TOPAZ1: variants seen among roughly 807,000 people sequenced by gnomAD.
The protein encoded by TOPAZ1 is testis and ovary specific TOPAZ 1.
TOPAZ1 carries 66 observed loss-of-function variants against 172.2 expected under a neutral mutation model. That is an observed-to-expected ratio of 0.38 (90% CI 0.31 to 0.47). The LOEUF (loss-of-function observed/expected upper bound fraction) is 0.47, where lower values mean the gene tolerates loss of function less well. Among genes scored for constraint, TOPAZ1 ranks in the 20% least tolerant of loss-of-function variants. The pLI is 0.99. For synonymous variants in TOPAZ1, 681 were observed against 683.9 expected (o/e 1.00, Z 0.07); for missense variants, 1,822 against 1,972.4 (o/e 0.92, Z 1.44).
intron 16 of TOPAZ1, among the ~76,000 whole-genome samples, chr3:44,315,102 G>C (rs1700436292): frequency 1.1e-5 from 1 of 90,914 alleles, no homozygotes; most frequent in South Asian, 5.7e-4. Flanking sequence ...AATATTAGTT[G>C]AGGTGGATGG....
In TOPAZ1 at chr3:44,244,064, C is replaced by A; in HGVS notation, c.1558C>A (p.Arg520Ser). The A allele has an allele frequency of 6.4e-7, 1 of 1,551,754 alleles. No homozygotes were observed. Among genetic ancestry groups the A allele is most frequent in the Non-Finnish European group, 8.7e-7 (1 of 1,146,980 alleles). The change falls in exon 2 of 20, where the codon CGT becomes AGT. Residue 520 changes from arginine (R) to serine (S), a missense_variant. This residue lies in a region of TOPAZ1 where 1,489 missense variants were observed against 1,490.8 expected (regional missense o/e 1.00). Transcript: ENST00000309765. Reference sequence around the variant, plus strand: ...CTTGCCAGAATCAAGTTACTTTCTTCGTGGGTCTCAGGAAAGTTGTAGGCA... The same window carrying A: ...CTTGCCAGAATCAAGTTACTTTCTTAGTGGGTCTCAGGAAAGTTGTAGGCA... Reference protein sequence around the residue: ...ASLPESSYFLRGSQESCRQVD... With the variant: ...ASLPESSYFLSGSQESCRQVD...
At chr3:44,302,176 C>CAA (rs1170119412) in intron 12 of TOPAZ1, among the ~76,000 whole-genome samples, 2 of 151,990 alleles carry the variant, frequency 1.3e-5, no homozygotes, top group African/African-American at 4.8e-5. Flanking sequence ...TTTGGGAGGC[C>CAA]GAGGTGGGCA....
chr3:44,253,105 T>C (rs1004717976), intron 2 of TOPAZ1, among the ~76,000 whole-genome samples: 1 of 152,202 alleles, frequency 6.6e-6, no homozygotes, highest in Admixed American at 6.5e-5. Context: ...GCAAAAGCTG[T>C]CATGAAGGGC....
At position 44,255,651 on chromosome 3, in the gene TOPAZ1, C is replaced by CAAAAAAAAAA. The variant is rs10663255; in HGVS notation, c.2828-497_2828-488dup. On this transcript the variant is annotated intron_variant, in intron 3 of 19. Coordinates refer to ENST00000309765, the MANE Select transcript of TOPAZ1 (RefSeq NM_001145030.2). ...TGGGCAACAGTGCGAGACTCTGTCT[C>CAAAAAAAAAA]AAAAAAAAAAAATATATATACACAC... 9.5e-4 allele frequency among the ~76,000 whole-genome samples: 82 copies of CAAAAAAAAAA among 86,238 alleles called. 4 individuals are homozygous for CAAAAAAAAAA. Among genetic ancestry groups the CAAAAAAAAAA allele is most frequent in the South Asian group, 2.1e-3 (4 of 1,894 alleles). The allele number at this position is 86,238 out of a possible 152,430, so 56.6% of individuals were successfully genotyped here. A position where few individuals can be genotyped will look rare whatever the true frequency, so the allele number is the denominator to read the frequency against.
intron 17 of TOPAZ1, 107 bp from the exon 18 acceptor site, chr3:44,322,985 A>G (rs1700557623): frequency 1.5e-6 from 1 of 670,250 alleles, no homozygotes; most frequent in Non-Finnish European, 2.4e-6. Context: ...GAGTCCTATA[A>G]TGGGTAAGAA....
rs556153343 is a variant in TOPAZ1 at position 44,293,636 on chromosome 3, A to G, written c.3797+2750A>G. The stretch of plus-strand genomic sequence containing the variant: ...AGATATACAGTGTGTTTCTGTTTTA[A>G]GCTGGGTGTTGTTACAAAAGAGTCA... On this transcript the variant is annotated intron_variant, in intron 12 of 19. Coordinates refer to ENST00000309765, the MANE Select transcript of TOPAZ1 (RefSeq NM_001145030.2). Among the ~76,000 whole-genome samples, 713 of 152,350 alleles carry G rather than the reference A, an allele frequency of 4.7e-3. 5 individuals carry two copies. Among genetic ancestry groups the G allele is most frequent in the Non-Finnish European group, 6.7e-3 (459 of 68,028 alleles).
intron 3 of TOPAZ1, among the ~76,000 whole-genome samples, chr3:44,255,670 T>TATAC (rs1202865847): frequency 8.0e-4 from 37 of 46,358 alleles, no homozygotes; most frequent in African/African-American, 2.1e-3. Flanking sequence ...AAAATATATA[T>TATAC]ACACACACAC....
At chr3:44,320,881 A>C in intron 16 of TOPAZ1, 146 bp from the exon 17 acceptor site, 1 of 523,300 alleles carries the variant, frequency 1.9e-6, no homozygotes, top group Non-Finnish European at 3.3e-6. Context: ...ATTTCTAATA[A>C]ATTTGAGCCA....
intron 9 of TOPAZ1, among the ~76,000 whole-genome samples, chr3:44,286,261 A>G (rs1003206338): frequency 1.1e-4 from 16 of 152,150 alleles, no homozygotes; most frequent in African/African-American, 3.9e-4. Context: ...GTTTCATGTC[A>G]ATTAGTGGAC....
At chr3:44,328,694 C>A (rs1700630448) in intron 19 of TOPAZ1, among the ~76,000 whole-genome samples, 1 of 152,066 alleles carries the variant, frequency 6.6e-6, no homozygotes, top group African/African-American at 2.4e-5. Flanking sequence ...GTTAGATGTT[C>A]AAAGAGACGG....
At chr3:44,290,650 T>C in intron 11 of TOPAZ1, 121 bp from the exon 12 acceptor site, 1 of 618,148 alleles carries the variant, frequency 1.6e-6, no homozygotes, top group Non-Finnish European at 2.9e-6. Flanking sequence ...AAATGAGTTT[T>C]ATTCCACTTG....
At chr3:44,334,248 A>G (rs535120269), downstream of TOPAZ1, among the ~76,000 whole-genome samples, 1 of 152,088 alleles carries the variant, frequency 6.6e-6, no homozygotes, top group African/African-American at 2.4e-5. Flanking sequence ...CCCCTGACAG[A>G]TATCTTGGTC....
chr3:44,298,016 C>T (rs12495257), intron 12 of TOPAZ1, among the ~76,000 whole-genome samples: 1 of 152,164 alleles, frequency 6.6e-6, no homozygotes, highest in Admixed American at 6.5e-5. Flanking sequence ...GGTTGGGAGA[C>T]TTAATAAAGG....
chr3:44,293,969 A>C (rs1201249855), intron 12 of TOPAZ1, among the ~76,000 whole-genome samples: 1 of 152,242 alleles, frequency 6.6e-6, no homozygotes, highest in Admixed American at 6.5e-5. Context: ...AGCCGGGTAC[A>C]GTGGCTCATG....
rs1403320547 is a variant in TOPAZ1, at chr3:44,298,834, A to G, written c.3798-5181A>G. ...GGGGAAAATTTGGAAACCTATATAT[A>G]TATGTTTATATATATTATATAATAT... is the stretch of plus-strand genomic sequence containing the variant. On this transcript the variant is annotated intron_variant, in intron 12 of 19. Coordinates refer to ENST00000309765, the MANE Select transcript of TOPAZ1 (RefSeq NM_001145030.2). Among the ~76,000 whole-genome samples the G allele has an allele frequency of 3.6e-5, 2 of 56,276 alleles. 1 individual carries two copies. The highest frequency in any genetic ancestry group is 4.6e-4 in the Admixed American group (2 of 4,316). 36.9% of individuals were successfully genotyped at this position (56,276 alleles called of 152,430 possible).
intron 18 of TOPAZ1, among the ~76,000 whole-genome samples, chr3:44,326,280 G>A (rs534112870): frequency 3.3e-5 from 5 of 152,202 alleles, no homozygotes; most frequent in African/African-American, 7.2e-5. Context: ...AGCCGTGTAC[G>A]GGATTTCCTG....
At chr3:44,258,465 G>A (rs1239296063) in intron 4 of TOPAZ1, among the ~76,000 whole-genome samples, 1 of 151,898 alleles carries the variant, frequency 6.6e-6, no homozygotes, top group East Asian at 1.9e-4. Context: ...TTCCTCCATC[G>A]CCCATTCCTT....
chr3:44,278,800 T>C (rs2125689799), intron 8 of TOPAZ1, among the ~76,000 whole-genome samples: 1 of 151,868 alleles, frequency 6.6e-6, no homozygotes, highest in Non-Finnish European at 1.5e-5. Context: ...TTTCATTGTG[T>C]TGATCCTCCT....
chr3:44,255,077 T>C (rs745362513), intron 3 of TOPAZ1, 48 bp downstream of exon 3: 2 of 1,372,328 alleles, frequency 1.5e-6, no homozygotes, highest in South Asian at 2.5e-5. Context: ...CATCTCTTTA[T>C]ATCTCCATTC....
Sources: allele counts gnomAD v4.1 joint callset (sites outside exome capture counted in the v4.1 genomes callset), GRCh38; gene constraint gnomAD v4.1.1; regional missense constraint gnomAD v4.1.1; transcripts MANE v1.5; gene names NCBI Gene and HGNC (gene_info 2026-07-23, HGNC 2026-07-21).